TARBP1: variants seen among roughly 807,000 people sequenced by gnomAD.
TARBP1 encodes tRNA (guanosine(18)-2'-O)-methyltransferase TARBP1.
TARBP1 carries 144 observed loss-of-function variants against 178.6 expected under a neutral mutation model. That is an observed-to-expected ratio of 0.81 (90% CI 0.70 to 0.93). The LOEUF (loss-of-function observed/expected upper bound fraction) is 0.93, where lower values mean the gene tolerates loss of function less well. TARBP1 is among the 40% of genes least tolerant of loss of function. The pLI is 0.00. For synonymous variants in TARBP1, 787 were observed against 781.0 expected (o/e 1.01, Z -0.13); for missense variants, 2,067 against 2,011.7 (o/e 1.03, Z -0.53).
intron 4 of TARBP1, 29 bp from the exon 5 acceptor site, chr1:234,465,737 A>G: frequency 6.5e-7 from 1 of 1,527,970 alleles, no homozygotes; most frequent in East Asian, 2.4e-5. Context: ...AAAGACACGT[A>G]ATTGAAACTT....
intron 26 of TARBP1, chr1:234,398,146 T>C (rs1375671631): frequency 3.5e-6 from 1 of 281,930 alleles, no homozygotes; most frequent in Non-Finnish European, 6.5e-6. Flanking sequence ...ATAAAGCAGA[T>C]CAGGCTTCCT....
chr1:234,443,290 CAAAA>C (rs1254089749), intron 12 of TARBP1, among the ~76,000 whole-genome samples: 2 of 76,280 alleles, frequency 2.6e-5, no homozygotes, highest in Non-Finnish European at 5.7e-5. Flanking sequence ...AACTCCGTCT[CAAAA>C]AAAAAAAAAA....
intron 20 of TARBP1, among the ~76,000 whole-genome samples, chr1:234,421,571 C>T (rs1434082403): frequency 6.6e-6 from 1 of 152,220 alleles, no homozygotes; most frequent in Non-Finnish European, 1.5e-5. Context: ...CTGATGCAAA[C>T]ACCACTAAGA....
In TARBP1 at chr1:234,446,905, T is replaced by C. The variant is rs4920246; in HGVS notation, c.2032A>G (p.Ser678Gly). The C allele has an allele frequency of 0.28, 454,648 of 1,613,334 alleles. 65,706 individuals carry two copies. The highest frequency in any genetic ancestry group is 0.43 in the Admixed American group (25,630 of 59,940). Residue 678 changes from serine (S) to glycine (G), a missense_variant, in exon 12 of 30, where the codon AGT becomes GGT. By Grantham distance (56) the Ser-to-Gly change is moderately conservative. Coordinates refer to ENST00000040877, the MANE Select transcript of TARBP1 (RefSeq NM_005646.4). ...DPLLDVLMKFSTNAYMPLLKT... is the reference protein window; with the variant it reads ...DPLLDVLMKFGTNAYMPLLKT... ...AGCAAGGGCATGTAGGCATTGGTAC[T>C]AAACTTCATAAGCACATCCAGAAGA...
At chr1:234,429,092 C>CA (rs1489001008) in intron 17 of TARBP1, 44 bp downstream of exon 17, 1 of 1,491,012 alleles carries the variant, frequency 6.7e-7, no homozygotes, top group Non-Finnish European at 8.9e-7. Context: ...TGCTGAAGCT[C>CA]ACACACATGA....
In TARBP1 at chr1:234,429,193, G is replaced by A. The variant is rs774249001; in HGVS notation, c.3003C>T (p.Asn1001=). The change falls in exon 17 of 30, where the codon AAC becomes AAT. Residue 1001 remains asparagine, a synonymous_variant. Coordinates refer to ENST00000040877, the MANE Select transcript of TARBP1 (RefSeq NM_005646.4). ...LKAFVQFVFD[N]KVLTIAAKIK... is the part of the protein sequence containing the mutation. ...TTTTGGCAGCAATGGTAAGAACTTT[G>A]TTATCAAAAACAAACTGAACAAAAG... 3.1e-6 allele frequency: 5 copies of A among 1,604,548 alleles called. No homozygotes were observed. The highest frequency in any genetic ancestry group is 4.2e-6 in the Non-Finnish European group (5 of 1,177,732).
chr1:234,460,154 A>G lies in TARBP1; in HGVS notation c.1535+107T>C, dbSNP rs1667702804. On this transcript the variant is annotated intron_variant, in intron 7 of 29. Transcript: ENST00000040877. ...TAAGAGCCCAAACATCCCAATCCCA[A>G]TATTAACTATATCCATTTACTGTAG... 11 of 1,270,496 alleles carry G rather than the reference A, an allele frequency of 8.7e-6. 1 individual carries two copies. The Middle Eastern group carries it at 8.1e-4, about 93-fold the overall frequency. The allele number at this position is 1,270,496 out of a possible 1,614,324, so 78.7% of individuals were successfully genotyped here.
At chr1:234,393,547 C>T (rs899233193) in intron 27 of TARBP1, 61 bp from the exon 28 acceptor site, 7 of 1,571,176 alleles carry the variant, frequency 4.5e-6, no homozygotes, top group East Asian at 2.3e-5. Context: ...CTCATCATGT[C>T]GCATACATTC....
intron 17 of TARBP1, among the ~76,000 whole-genome samples, chr1:234,428,294 AG>A (rs1350545009): frequency 6.6e-6 from 1 of 152,170 alleles, no homozygotes; most frequent in Non-Finnish European, 1.5e-5. Flanking sequence ...TCCAGAAACC[AG>A]CAAGACCTTT....
intron 13 of TARBP1, among the ~76,000 whole-genome samples, chr1:234,433,876 C>T (rs927353940): frequency 1.3e-5 from 2 of 152,162 alleles, no homozygotes; most frequent in African/African-American, 2.4e-5. Flanking sequence ...ATTCTTATGT[C>T]CCTAGGGCTA....
intron 9 of TARBP1, among the ~76,000 whole-genome samples, chr1:234,453,641 TTAACA>T (rs1469633007): frequency 1.3e-5 from 2 of 152,250 alleles, no homozygotes; most frequent in East Asian, 1.9e-4. Context: ...TTTACATGAC[TTAACA>T]TAACTAGATA....
At chr1:234,430,982 C>T (rs1664376662) in intron 14 of TARBP1, among the ~76,000 whole-genome samples, 1 of 152,310 alleles carries the variant, frequency 6.6e-6, no homozygotes, top group Non-Finnish European at 1.5e-5. Flanking sequence ...GCATGTAAAA[C>T]ACTTGGAACT....
At chr1:234,451,922 C>T (rs1172403867) in intron 9 of TARBP1, among the ~76,000 whole-genome samples, 6 of 151,940 alleles carry the variant, frequency 3.9e-5, no homozygotes, top group South Asian at 2.1e-4. Flanking sequence ...TGAGGTCAGC[C>T]GGTATTTATC....
intron 20 of TARBP1, 23 bp downstream of exon 20, chr1:234,425,649 TA>T (rs1663662671): frequency 6.7e-7 from 1 of 1,488,974 alleles, no homozygotes; most frequent in Non-Finnish European, 9.2e-7. Context: ...AAAACAAAGA[TA>T]ATTTAAAGTA....
chr1:234,411,335 A>G (rs1386500289), intron 22 of TARBP1, among the ~76,000 whole-genome samples: 1 of 152,188 alleles, frequency 6.6e-6, no homozygotes, highest in Non-Finnish European at 1.5e-5. Context: ...TTCTAAACAA[A>G]AGACTTGAGC....
At chr1:234,405,364 G>T (rs796761048) in intron 24 of TARBP1, 7 of 152,548 alleles carry the variant, frequency 4.6e-5, no homozygotes, top group African/African-American at 1.7e-4. Flanking sequence ...CAGGTGCGGG[G>T]AAAGAGAGGC....
In TARBP1 at chr1:234,472,621, G is replaced by A. The variant is rs942924404; in HGVS notation, c.1029+93C>T. On this transcript the variant is annotated intron_variant, in intron 2 of 29. Transcript: ENST00000040877. ...GATTCTATCATCACCAGCTATATCT[G>A]AGTTAGTCTCTTTGTATCGCTTTTA... 12 of 783,610 alleles carry A rather than the reference G, an allele frequency of 1.5e-5. No individual in the cohort carries two copies. In the African/African-American group the frequency reaches 2.0e-4, roughly 13 times the overall value. The allele number at this position is 783,610 out of a possible 1,614,324, so 48.5% of individuals were successfully genotyped here. A position where few individuals can be genotyped will look rare whatever the true frequency, so the allele number is the denominator to read the frequency against.
rs757552371 is a variant in TARBP1, at chr1:234,448,498, C to T, written c.1943G>A (p.Gly648Glu). The change falls in exon 11 of 30, where the codon GGA becomes GAA. Residue 648 changes from glycine to glutamate, a missense_variant. Gly to Glu is a moderately conservative substitution (Grantham distance 98). Coordinates refer to ENST00000040877, the MANE Select transcript of TARBP1 (RefSeq NM_005646.4). ...CAATTACCTATACTGAGTCTTCATT[C>T]CTTCCACATCCACAGCCAGCAAGAC... ...LMVLLAVDVE[G>E]MKTQYSGKQR... is the part of the protein sequence containing the mutation. 1 of 1,613,910 alleles carries T rather than the reference C, an allele frequency of 6.2e-7. No individual in the cohort carries two copies. The highest frequency in any genetic ancestry group is 8.5e-7 in the Non-Finnish European group (1 of 1,179,926).
At chr1:234,424,978 T>C (rs557446962) in intron 20 of TARBP1, among the ~76,000 whole-genome samples, 46 of 152,098 alleles carry the variant, frequency 3.0e-4, no homozygotes, top group African/African-American at 1.1e-3. Context: ...GGAGAATCAC[T>C]TGAATCCAGG....
Sources: allele counts gnomAD v4.1 joint callset (sites outside exome capture counted in the v4.1 genomes callset), GRCh38; gene constraint gnomAD v4.1.1; transcripts MANE v1.5; gene names NCBI Gene and HGNC (gene_info 2026-07-23, HGNC 2026-07-21).